The following NPHP4 variants were observed in gnomAD, a reference collection of about 807,000 sequenced individuals.
NPHP4 encodes the protein nephrocystin 4.
In NPHP4, 151 loss-of-function variants were observed where a neutral mutation model predicts 155.8. The ratio of observed to expected loss-of-function variants is 0.97; its 90% confidence interval spans 0.85 to 1.11. The LOEUF (loss-of-function observed/expected upper bound fraction) is 1.11. Among genes scored for constraint, NPHP4 ranks in the 50% least tolerant of loss-of-function variants. The pLI is 0.00. For missense variants in NPHP4, 1,956 were observed against 1,925.7 expected, an observed-to-expected ratio of 1.02 and a Z score of -0.29; for synonymous variants, 845 against 816.8, an observed-to-expected ratio of 1.03 and a Z score of -0.59.
intron 7 of NPHP4, among the ~76,000 whole-genome samples, chr1:5,949,343 T>TACACACACACACACACACACACACACAC (rs140032819): frequency 0.01 from 1,441 of 140,806 alleles, 30 homozygotes; most frequent in Middle Eastern, 0.018. Context: ...TTCACATACA[T>TACACACACACACACACACACACACACAC]ACACACACAC....
chr1:5,957,371 G>T (rs1041001733), intron 6 of NPHP4, among the ~76,000 whole-genome samples: 1 of 152,172 alleles, frequency 6.6e-6, no homozygotes, highest in Non-Finnish European at 1.5e-5. Flanking sequence ...AGGCCCTAAC[G>T]GGCTCCCACA....
At chr1:5,863,720 A>T in intron 29 of NPHP4, 170 bp downstream of exon 29, 1 of 697,550 alleles carries the variant, frequency 1.4e-6, no homozygotes, top group Non-Finnish European at 2.5e-6. Context: ...ATCTCCAGCT[A>T]CTAAAGATAC....
intron 7 of NPHP4, among the ~76,000 whole-genome samples, chr1:5,950,340 C>T (rs897815110): frequency 1.3e-5 from 2 of 152,184 alleles, no homozygotes; most frequent in African/African-American, 4.8e-5. Context: ...AGGACCCAAG[C>T]CTTGAAGCTC....
At chr1:5,937,221 G>A (rs1441620697) in intron 9 of NPHP4, among the ~76,000 whole-genome samples, 1 of 151,986 alleles carries the variant, frequency 6.6e-6, no homozygotes, top group African/African-American at 2.4e-5. Flanking sequence ...GGGAGGAGCT[G>A]GGCCCCACCA....
intron 3 of NPHP4, among the ~76,000 whole-genome samples, chr1:5,974,080 C>A (rs1284270823): frequency 6.6e-6 from 1 of 152,262 alleles, no homozygotes; most frequent in Admixed American, 6.5e-5. Context: ...GCAGGAGTTT[C>A]ACGTGGGTTA....
intron 3 of NPHP4, among the ~76,000 whole-genome samples, chr1:5,973,042 G>A (rs974602474): frequency 1.3e-5 from 2 of 152,048 alleles, no homozygotes; most frequent in African/African-American, 2.4e-5. Context: ...GTGCCACCAC[G>A]CCCAGCTAAT....
intron 23 of NPHP4, among the ~76,000 whole-genome samples, chr1:5,870,392 G>T (rs1641873863): frequency 6.6e-6 from 1 of 152,152 alleles, no homozygotes; most frequent in Admixed American, 6.5e-5. Flanking sequence ...AGGTGAATGG[G>T]GTGAAGGCAC....
intron 19 of NPHP4, 76 bp downstream of exon 19, chr1:5,880,038 C>T: frequency 1.3e-6 from 2 of 1,542,030 alleles, no homozygotes; most frequent in South Asian, 1.1e-5. Context: ...CATGCACACA[C>T]ACACACACGC....
At chr1:5,948,518 G>A (rs1439075266) in intron 7 of NPHP4, among the ~76,000 whole-genome samples, 4 of 152,202 alleles carry the variant, frequency 2.6e-5, no homozygotes, top group East Asian at 1.9e-4. Context: ...CAGATGCCTC[G>A]ATCCCCAAAA....
rs768715263 is a variant in NPHP4 at position 5,988,521 on chromosome 1, AAATT to A, written c.-38-2198_-38-2195del. ...ACATGTCACAGCCTTATTTTTAAAT[AAATT>A]AATATTTTTAACATTTCTCAGTTTT... is the stretch of plus-strand genomic sequence containing the variant. On this transcript the variant is annotated intron_variant, in intron 1 of 29. Coordinates refer to ENST00000378156, the MANE Select transcript of NPHP4 (RefSeq NM_015102.5). Among the ~76,000 whole-genome samples the A allele has an allele frequency of 3.3e-5, 5 of 152,338 alleles. No homozygotes were observed. The East Asian group carries it at 7.7e-4, about 23-fold the overall frequency.
chr1:5,977,656 C>T (rs1374605281), intron 3 of NPHP4, among the ~76,000 whole-genome samples: 5 of 150,802 alleles, frequency 3.3e-5, no homozygotes, highest in African/African-American at 9.8e-5. Context: ...CAGTGAACCA[C>T]AGAGACAGAG....
At position 5,961,819 on chromosome 1, in the gene NPHP4, G is replaced by A. The variant is rs1443133568; in HGVS notation, c.648C>T (p.Gly216=). The A allele has an allele frequency of 6.2e-7, 1 of 1,613,152 alleles. No homozygotes were observed. Among genetic ancestry groups the A allele is most frequent in the East Asian group, 2.2e-5 (1 of 44,878 alleles). ...LLVSGLQQIP[G]LLPAHGESGD... ...CGGATTCTCCATGAGCTGGAAGCAG[G>A]CCAGGTATCTGCTGCAGACCAGACA... Residue 216 remains glycine (G), a synonymous_variant, in exon 6 of 30, where the codon GGC becomes GGT. Coordinates refer to ENST00000378156, the MANE Select transcript of NPHP4 (RefSeq NM_015102.5).
chr1:5,978,375 C>A lies in NPHP4; in HGVS notation c.174G>T (p.Leu58=). 6.2e-7 allele frequency: 1 copy of A among 1,607,616 alleles called. No individual in the cohort carries two copies. The highest frequency in any genetic ancestry group is 8.5e-7 in the Non-Finnish European group (1 of 1,177,164). The part of the protein sequence containing the change: ...LEVLSEVECH[L]RVSFFDVTYR... ...AGGTGACATCAAAGAAAGACACTCG[C>A]AGATGGCATTCAACCTCTGACAGTA... Residue 58 remains leucine, a synonymous_variant, in exon 3 of 30, where the codon CTG becomes CTT. Coordinates refer to ENST00000378156, the MANE Select transcript of NPHP4 (RefSeq NM_015102.5).
chr1:5,969,596 A>G (rs573761146), intron 3 of NPHP4, among the ~76,000 whole-genome samples: 1 of 152,334 alleles, frequency 6.6e-6, no homozygotes, highest in African/African-American at 2.4e-5. Context: ...ACTAGAGCAG[A>G]ATGGGGCTAG....
chr1:5,929,110 C>G (rs566875461), intron 10 of NPHP4, among the ~76,000 whole-genome samples: 1 of 152,132 alleles, frequency 6.6e-6, no homozygotes, highest in Non-Finnish European at 1.5e-5. Context: ...TGCTAGTATA[C>G]AGAAATAGGA....
At chr1:5,955,511 A>G (rs908745152) in intron 6 of NPHP4, among the ~76,000 whole-genome samples, 6 of 152,284 alleles carry the variant, frequency 3.9e-5, no homozygotes, top group African/African-American at 1.4e-4. Context: ...ATGAATGCAT[A>G]AAGAAAAGTA....
chr1:5,978,439 T>C, intron 2 of NPHP4, 26 bp from the exon 3 acceptor site: 2 of 1,589,556 alleles, frequency 1.3e-6, no homozygotes, highest in Non-Finnish European at 1.7e-6. Context: ...GAATTGACCC[T>C]CAAGAGTCTG....
At chr1:5,975,586 C>T (rs749781628) in intron 3 of NPHP4, among the ~76,000 whole-genome samples, 12 of 152,232 alleles carry the variant, frequency 7.9e-5, no homozygotes, top group Admixed American at 3.3e-4. Flanking sequence ...GGAGACGCAC[C>T]CAGATGACAG....
intron 9 of NPHP4, among the ~76,000 whole-genome samples, chr1:5,938,969 T>C (rs1210097863): frequency 1.3e-5 from 2 of 152,242 alleles, no homozygotes; most frequent in Admixed American, 6.5e-5. Flanking sequence ...CTGTATCTTG[T>C]ATATGGAAAT....
Sources: gnomAD v4.1 joint callset for allele counts (sites outside exome capture counted in the v4.1 genomes callset) on GRCh38, gnomAD v4.1.1 for gene constraint, MANE v1.5 for transcripts, NCBI Gene and HGNC (gene_info 2026-07-23, HGNC 2026-07-21) for gene names.